Variants in ZNF704 observed in about 807,000 individuals in gnomAD.
The protein encoded by ZNF704 is glucocorticoid induced gene 1.
A neutral mutation model predicts 44.7 loss-of-function variants in ZNF704; 10 were observed. That is an observed-to-expected ratio of 0.22 (90% CI 0.14 to 0.38). The LOEUF is 0.38. Ranked by LOEUF, ZNF704 falls within the 10% of genes least tolerant of loss-of-function variation. The pLI, the probability that ZNF704 is intolerant of heterozygous loss-of-function variation, is 1.00. For synonymous variants in ZNF704, 211 were observed against 207.6 expected, an observed-to-expected ratio of 1.02 and a Z score of -0.14; for missense variants, 390 against 545.5, an observed-to-expected ratio of 0.71 and a Z score of 2.84.
chr8:80,664,565 C>T (rs1302353746), intron 6 of ZNF704, among the ~76,000 whole-genome samples: 1 of 152,222 alleles, frequency 6.6e-6, no homozygotes, highest in Non-Finnish European at 1.5e-5. Flanking sequence ...AGCCACTGTG[C>T]CCAAGGGATT....
chr8:80,671,645 G>T (rs9918760), intron 4 of ZNF704, among the ~76,000 whole-genome samples: 4,953 of 152,236 alleles, frequency 0.033, 279 homozygotes, highest in African/African-American at 0.11. Flanking sequence ...CCACCTCTTT[G>T]CTGACTGTTC....
At chr8:80,672,428 A>G (rs951050480) in intron 4 of ZNF704, among the ~76,000 whole-genome samples, 2 of 152,192 alleles carry the variant, frequency 1.3e-5, no homozygotes, top group Admixed American at 6.5e-5. Context: ...TGTATACCCA[A>G]AGGAAAATGA....
At chr8:80,875,238 A>G (rs1809340493), upstream of ZNF704, among the ~76,000 whole-genome samples, 1 of 152,034 alleles carries the variant, frequency 6.6e-6, no homozygotes, top group Non-Finnish European at 1.5e-5. Flanking sequence ...TATATTTGCT[A>G]TTGCGTGGGG....
At chr8:80,697,288 G>C (rs1818741762) in intron 2 of ZNF704, among the ~76,000 whole-genome samples, 1 of 152,166 alleles carries the variant, frequency 6.6e-6, no homozygotes. Context: ...ATGAACCCGG[G>C]AGTAAGGTGA....
intron 2 of ZNF704, among the ~76,000 whole-genome samples, chr8:80,725,522 T>G (rs1806461518): frequency 6.6e-6 from 1 of 152,106 alleles, no homozygotes; most frequent in Non-Finnish European, 1.5e-5. Context: ...GTCTAATGCA[T>G]TTGGAGTCTC....
chr8:80,794,045 A>C (rs529937018), intron 2 of ZNF704, among the ~76,000 whole-genome samples: 9 of 152,344 alleles, frequency 5.9e-5, no homozygotes, highest in African/African-American at 2.2e-4. Flanking sequence ...TTGTACAGAC[A>C]TCTGAAATTT....
In ZNF704 at chr8:80,670,606, GT is replaced by G. The variant is rs757309288; in HGVS notation, c.559-4del. On this transcript the variant is annotated splice_polypyrimidine_tract_variant and splice_region_variant and intron_variant, in intron 4 of 8. Coordinates refer to ENST00000327835, the MANE Select transcript of ZNF704 (RefSeq NM_001033723.3). Reference sequence around the variant, plus strand: ...TTGAACATCACCTTCATGGAATTCTGTAAAGGGGAGAGAGTGATATTAGAAT... The same window carrying G: ...TTGAACATCACCTTCATGGAATTCTGAAAGGGGAGAGAGTGATATTAGAAT... 22 of 1,591,362 alleles carry G rather than the reference GT, an allele frequency of 1.4e-5. No individual in the cohort carries two copies. In the Middle Eastern group the frequency reaches 5.0e-4, roughly 36 times the overall value.
At chr8:80,740,486 GC>G (rs1397387580) in intron 2 of ZNF704, among the ~76,000 whole-genome samples, 1 of 152,134 alleles carries the variant, frequency 6.6e-6, no homozygotes, top group Non-Finnish European at 1.5e-5. Context: ...AAAGCCCAAG[GC>G]CTAGTAAAAC....
intron 1 of ZNF704, among the ~76,000 whole-genome samples, chr8:80,829,307 G>A (rs954437294): frequency 4.6e-5 from 7 of 152,114 alleles, no homozygotes; most frequent in African/African-American, 1.7e-4. Context: ...TGGAGGTGGG[G>A]GGAGAGGGGA....
chr8:80,784,970 A>AT (rs34965328), intron 2 of ZNF704, among the ~76,000 whole-genome samples: 34,859 of 152,102 alleles, frequency 0.23, 5,724 homozygotes, highest in African/African-American at 0.47. Flanking sequence ...TTACATTAGT[A>AT]GATACATTTG....
chr8:80,799,430 T>C (rs1807862388), intron 2 of ZNF704, among the ~76,000 whole-genome samples: 1 of 152,164 alleles, frequency 6.6e-6, no homozygotes. Flanking sequence ...GTTTCTTCAT[T>C]GTCCAGGTAG....
Position 80,671,048 on chromosome 8 carries a change from C to T in ZNF704, c.559-445G>A, listed in dbSNP as rs116478171. 4.6e-3 allele frequency among the ~76,000 whole-genome samples: 707 copies of T among 152,322 alleles called. 5 individuals are homozygous for T. Among genetic ancestry groups the T allele is most frequent in the African/African-American group, 0.015 (644 of 41,576 alleles). On this transcript the variant is annotated intron_variant, in intron 4 of 8. Coordinates refer to ENST00000327835, the MANE Select transcript of ZNF704 (RefSeq NM_001033723.3). ...ACCAGCTACTGGCAAAGTTGAAATA[C>T]GAATCCAGGGACTCTGGCTCCAGAA...
intron 7 of ZNF704, among the ~76,000 whole-genome samples, chr8:80,656,407 G>A (rs759009058): frequency 6.6e-6 from 1 of 152,174 alleles, no homozygotes; most frequent in Non-Finnish European, 1.5e-5. Flanking sequence ...ACGGCTCTTA[G>A]TTTTCTGTCA....
At chr8:80,780,838 A>G (rs1212300714) in intron 2 of ZNF704, among the ~76,000 whole-genome samples, 2 of 152,110 alleles carry the variant, frequency 1.3e-5, no homozygotes, top group Non-Finnish European at 2.9e-5. Flanking sequence ...GGCCTCCAGA[A>G]CTGTGAAAGA....
At chr8:80,744,002 T>A (rs1317900033) in intron 2 of ZNF704, among the ~76,000 whole-genome samples, 4 of 152,126 alleles carry the variant, frequency 2.6e-5, no homozygotes, top group Admixed American at 6.5e-5. Flanking sequence ...AGTGTGAGGA[T>A]TCCAGACTGC....
chr8:80,842,734 C>T (rs190372869), intron 1 of ZNF704, among the ~76,000 whole-genome samples: 2 of 152,308 alleles, frequency 1.3e-5, no homozygotes, highest in Non-Finnish European at 2.9e-5. Flanking sequence ...TCCATATCAT[C>T]CTATTATACT....
chr8:80,864,752 G>A (rs1809126292), intron 1 of ZNF704, among the ~76,000 whole-genome samples: 1 of 152,192 alleles, frequency 6.6e-6, no homozygotes, highest in Non-Finnish European at 1.5e-5. Flanking sequence ...GGTGGGAAGG[G>A]CAAACCCATG....
intron 2 of ZNF704, among the ~76,000 whole-genome samples, chr8:80,699,990 G>A (rs1818784068): frequency 6.6e-6 from 1 of 152,048 alleles, no homozygotes; most frequent in Non-Finnish European, 1.5e-5. Flanking sequence ...GGTCAGGTGG[G>A]GTGTGGGCCT....
intron 2 of ZNF704, among the ~76,000 whole-genome samples, chr8:80,742,222 T>C (rs546042157): frequency 1.3e-5 from 2 of 152,216 alleles, no homozygotes; most frequent in South Asian, 4.2e-4. Flanking sequence ...GACCCTCCAT[T>C]AGAAATGCTT....
Sources: allele counts gnomAD v4.1 joint callset (sites outside exome capture counted in the v4.1 genomes callset), GRCh38; gene constraint gnomAD v4.1.1; transcripts MANE v1.5; gene names NCBI Gene and HGNC (gene_info 2026-07-23, HGNC 2026-07-21).